The following BMERB1 variants were observed in gnomAD, a reference collection of about 807,000 sequenced individuals.
The protein encoded by BMERB1 is bMERB domain containing 1, also known as bMERB domain-containing protein 1.
BMERB1 carries 12 observed loss-of-function variants against 23.6 expected under a neutral mutation model. The ratio of observed to expected loss-of-function variants is 0.51; its 90% CI spans 0.33 to 0.82. The LOEUF is 0.82. Among genes scored for constraint, BMERB1 ranks in the 40% least tolerant of loss-of-function variants. BMERB1 has a pLI of 0.03. For synonymous variants in BMERB1, 122 were observed against 96.6 expected (o/e 1.26, Z -1.54); for missense variants, 247 against 255.4 (o/e 0.97, Z 0.22).
In BMERB1 at chr16:15,449,463, G is replaced by T. The variant is rs367571485; in HGVS notation, c.106+14704G>T. 1.2e-4 allele frequency among the ~76,000 whole-genome samples: 19 copies of T among 152,208 alleles called. No homozygotes were observed. The East Asian group carries it at 3.5e-3, about 28-fold the overall frequency. On this transcript the variant is annotated intron_variant, in intron 1 of 5. Transcript: ENST00000300006. ...GGTTTCACCCAGACCCCAGATCTCA[G>T]CATCATGAAATACACCCTTGTAACA...
intron 1 of BMERB1, among the ~76,000 whole-genome samples, chr16:15,483,933 A>T (rs146961090): frequency 1.3e-5 from 2 of 152,342 alleles, no homozygotes; most frequent in East Asian, 3.9e-4. Flanking sequence ...TATTTGGCTC[A>T]TAGTTCTGCA....
chr16:15,535,582 G>A (rs766343122), intron 2 of BMERB1, among the ~76,000 whole-genome samples: 2 of 151,424 alleles, frequency 1.3e-5, no homozygotes, highest in South Asian at 2.1e-4. Flanking sequence ...CCCAGAAGGC[G>A]GAGGTTGCAG....
At chr16:15,539,474 T>C (rs115454289) in intron 2 of BMERB1, among the ~76,000 whole-genome samples, 2,163 of 152,204 alleles carry the variant, frequency 0.014, 58 homozygotes, top group African/African-American at 0.051. Flanking sequence ...TTATCAGACT[T>C]AGTTGGTCCA....
intron 1 of BMERB1, among the ~76,000 whole-genome samples, chr16:15,484,332 A>G (rs534892160): frequency 2.6e-5 from 4 of 152,004 alleles, no homozygotes; most frequent in East Asian, 3.9e-4. Context: ...TGACCACCAT[A>G]TCTAGCTTCA....
chr16:15,488,902 C>CAAA (rs769821665), intron 1 of BMERB1, among the ~76,000 whole-genome samples: 56 of 57,692 alleles, frequency 9.7e-4, no homozygotes, highest in Non-Finnish European at 1.6e-3. Context: ...ACTGCATATG[C>CAAA]AAAAAAAAAA....
chr16:15,553,373 G>C (rs1180024818), intron 2 of BMERB1, among the ~76,000 whole-genome samples: 1 of 152,228 alleles, frequency 6.6e-6, no homozygotes, highest in Non-Finnish European at 1.5e-5. Context: ...TACTTGGAAG[G>C]CTGAGGCAGG....
intron 2 of BMERB1, among the ~76,000 whole-genome samples, chr16:15,523,226 G>A (rs1025956504): frequency 3.9e-5 from 6 of 152,080 alleles, no homozygotes; most frequent in Admixed American, 6.5e-5. Flanking sequence ...TCCTCTTGAC[G>A]TCTTCTTGAC....
At chr16:15,469,242 A>G (rs1404595432) in intron 1 of BMERB1, among the ~76,000 whole-genome samples, 1 of 152,162 alleles carries the variant, frequency 6.6e-6, no homozygotes, top group Non-Finnish European at 1.5e-5. Context: ...CTGGGATTAC[A>G]GGCATGAGCC....
At chr16:15,468,181 T>G (rs1289822525) in intron 1 of BMERB1, among the ~76,000 whole-genome samples, 1 of 139,444 alleles carries the variant, frequency 7.2e-6, no homozygotes, top group African/African-American at 2.6e-5. Flanking sequence ...GGTCTCAGTC[T>G]GTCACCAAGT....
At chr16:15,496,934 C>G (rs1480342928) in intron 1 of BMERB1, among the ~76,000 whole-genome samples, 2 of 152,172 alleles carry the variant, frequency 1.3e-5, no homozygotes, top group Non-Finnish European at 2.9e-5. Context: ...AGGGGCAGAG[C>G]CAGCCTTTCA....
intron 2 of BMERB1, among the ~76,000 whole-genome samples, chr16:15,524,381 GCTAGA>G (rs1447872512): frequency 6.6e-6 from 1 of 152,178 alleles, no homozygotes; most frequent in East Asian, 1.9e-4. Context: ...GAATTTCTAA[GCTAGA>G]CTTCTGAATG....
At chr16:15,556,580 A>T (rs531173317) in intron 2 of BMERB1, among the ~76,000 whole-genome samples, 5 of 151,882 alleles carry the variant, frequency 3.3e-5, no homozygotes, top group South Asian at 4.2e-4. Context: ...TTATTTATTT[A>T]TTTTTATTTA....
At chr16:15,478,550 C>T (rs2051291740) in intron 1 of BMERB1, among the ~76,000 whole-genome samples, 1 of 152,150 alleles carries the variant, frequency 6.6e-6, no homozygotes, top group African/African-American at 2.4e-5. Context: ...CAGTGATTTT[C>T]AAAGCATGAT....
chr16:15,481,598 A>G (rs1202941913), intron 1 of BMERB1, among the ~76,000 whole-genome samples: 1 of 151,896 alleles, frequency 6.6e-6, no homozygotes, highest in African/African-American at 2.4e-5. Flanking sequence ...GAGGAGTGGG[A>G]TTGGAAGAGA....
At chr16:15,470,166 CTGAGACTTTT>C (rs1161865574) in intron 1 of BMERB1, among the ~76,000 whole-genome samples, 12 of 152,148 alleles carry the variant, frequency 7.9e-5, no homozygotes, top group Non-Finnish European at 1.6e-4. Context: ...TTCCTACTTT[CTGAGACTTTT>C]TGTACTACAT....
At chr16:15,533,799 A>G (rs1354650010) in intron 2 of BMERB1, among the ~76,000 whole-genome samples, 1 of 152,158 alleles carries the variant, frequency 6.6e-6, no homozygotes. Context: ...CAGCCATGAC[A>G]TTCCCATTGC....
chr16:15,582,803 G>C (rs1326266224), intron 4 of BMERB1, among the ~76,000 whole-genome samples: 1 of 152,170 alleles, frequency 6.6e-6, no homozygotes, highest in Non-Finnish European at 1.5e-5. Flanking sequence ...TCTGAGACCT[G>C]CCTCATACTT....
intron 2 of BMERB1, among the ~76,000 whole-genome samples, chr16:15,545,755 T>G (rs1031916837): frequency 2.0e-5 from 3 of 152,094 alleles, no homozygotes; most frequent in Non-Finnish European, 4.4e-5. Flanking sequence ...ATTGGCTGAG[T>G]CTGAGGAAGT....
At chr16:15,496,922 G>A (rs1197223115) in intron 1 of BMERB1, among the ~76,000 whole-genome samples, 1 of 152,160 alleles carries the variant, frequency 6.6e-6, no homozygotes, top group Non-Finnish European at 1.5e-5. Flanking sequence ...GCAGAGCCAG[G>A]CAGGGGCAGA....
Sources: allele counts gnomAD v4.1 joint callset (sites outside exome capture counted in the v4.1 genomes callset), GRCh38; gene constraint gnomAD v4.1.1; transcripts MANE v1.5; gene names NCBI Gene and HGNC (gene_info 2026-07-23, HGNC 2026-07-21).